Variants in WDR12 observed in about 807,000 individuals in gnomAD.
WDR12 encodes WD repeat domain 12.
A neutral mutation model predicts 64.3 loss-of-function variants in WDR12; 42 were observed. That is an observed-to-expected ratio of 0.65 (90% CI 0.51 to 0.84). WDR12 has a LOEUF of 0.84. Among genes scored for constraint, WDR12 ranks in the 40% least tolerant of loss-of-function variants. The pLI is 0.00. For synonymous variants in WDR12, 158 were observed against 173.3 expected (o/e 0.91, Z 0.70); for missense variants, 469 against 494.6 (o/e 0.95, Z 0.49).
intron 7 of WDR12, among the ~76,000 whole-genome samples, chr2:202,894,220 A>AT (rs146561964): frequency 0.33 from 48,532 of 148,452 alleles, 8,220 homozygotes; most frequent in East Asian, 0.58. Flanking sequence ...CACTAAACTG[A>AT]TTTTTTTTTT....
rs189783243 is a variant in WDR12 at position 202,884,358 on chromosome 2, A to C, written c.882+37T>G. The C allele has an allele frequency of 1.7e-4, 278 of 1,613,592 alleles. No individual in the cohort carries two copies. In the South Asian group the frequency reaches 2.0e-3, roughly 12 times the overall value. ...ATGGTAGACTAAAAACCATCTCTAG[A>C]AGTTTATCACTTAAAAGAACACTGA... On this transcript the variant is annotated intron_variant, in intron 9 of 12. Transcript: ENST00000261015.
At chr2:202,903,847 A>G (rs538188201) in intron 2 of WDR12, among the ~76,000 whole-genome samples, 16 of 152,218 alleles carry the variant, frequency 1.1e-4, no homozygotes, top group Non-Finnish European at 2.1e-4. Context: ...GATGAAAGAC[A>G]TTGAAGAGGG....
chr2:202,895,877 C>T (rs1688232931), intron 6 of WDR12, 188 bp downstream of exon 6: 1 of 611,468 alleles, frequency 1.6e-6, no homozygotes. Flanking sequence ...GGTTCTAAAC[C>T]AGGGATTCAA....
rs549431853 is a variant in WDR12, at chr2:202,896,785, G to C, written c.454+515C>G. On this transcript the variant is annotated intron_variant, in intron 5 of 12. Coordinates refer to ENST00000261015, the MANE Select transcript of WDR12 (RefSeq NM_018256.4). Reference sequence around the variant, plus strand: ...GGGTGGATCATGATGTCAGGAGTTCGAGATCAGCCTGGCCAAGATGGTGAA... The same window carrying C: ...GGGTGGATCATGATGTCAGGAGTTCCAGATCAGCCTGGCCAAGATGGTGAA... 1.5e-4 allele frequency among the ~76,000 whole-genome samples: 23 copies of C among 152,206 alleles called. 1 individual carries two copies. The South Asian group carries it at 4.6e-3, about 30-fold the overall frequency.
At chr2:202,891,864 A>C (rs903875302) in intron 8 of WDR12, among the ~76,000 whole-genome samples, 5 of 152,248 alleles carry the variant, frequency 3.3e-5, no homozygotes, top group African/African-American at 9.6e-5. Flanking sequence ...ATGAAAAGTC[A>C]AACTCATGGA....
chr2:202,880,044 C>T lies in WDR12; in HGVS notation c.*816G>A, dbSNP rs1687923213. The T allele has an allele frequency of 6.6e-6, 1 of 152,066 alleles. No individual in the cohort carries two copies. Among genetic ancestry groups the T allele is most frequent in the Non-Finnish European group, 1.5e-5 (1 of 68,016 alleles). 9.4% of individuals were successfully genotyped at this position (152,066 alleles called of 1,614,324 possible). On this transcript the variant is annotated 3_prime_UTR_variant, in exon 13 of 13. Coordinates refer to ENST00000261015, the MANE Select transcript of WDR12 (RefSeq NM_018256.4). ...GGTGTGAGCCACCATGCCCAGCCTACATTTTTTTTAATGTTCTGAGTACCC... is the reference window on the plus strand; with the variant it reads ...GGTGTGAGCCACCATGCCCAGCCTATATTTTTTTTAATGTTCTGAGTACCC...
Position 202,899,589 on chromosome 2 carries a change from G to A in WDR12, c.280C>T (p.Pro94Ser). 1 of 1,614,078 alleles carries A rather than the reference G, an allele frequency of 6.2e-7. No individual in the cohort carries two copies. Among genetic ancestry groups the A allele is most frequent in the Non-Finnish European group, 8.5e-7 (1 of 1,180,004 alleles). The stretch of plus-strand genomic sequence containing the variant: ...TCATCATGGAACATGCATTGCTCTG[G>A]CTGGGGTGCAGTATACTTCTCCACG... ...EYVEKYTAPQ[P>S]EQCMFHDDWI... The change falls in exon 4 of 13, where the codon CCA (proline) becomes TCA (serine). Residue 94 changes from proline to serine, a missense_variant. Pro to Ser is a moderately conservative substitution (Grantham distance 74). Transcript: ENST00000261015.
At chr2:202,882,894 C>T in intron 11 of WDR12, 111 bp from the exon 12 acceptor site, 1 of 904,904 alleles carries the variant, frequency 1.1e-6, no homozygotes, top group Non-Finnish European at 1.7e-6. Flanking sequence ...AACCTTGCCC[C>T]AATAACCACT....
In WDR12 at chr2:202,884,552, C is replaced by T. The variant is rs1688015280; in HGVS notation, c.742-17G>A. The T allele has an allele frequency of 2.5e-6, 4 of 1,597,426 alleles. No homozygotes were observed. The highest frequency in any genetic ancestry group is 3.4e-6 in the Non-Finnish European group (4 of 1,175,726). The stretch of plus-strand genomic sequence containing the variant: ...TATGGGAGTCTAGAAAGGAAGAACC[C>T]CAAAAGGGGAAAGTGTTTTCATTAC... On this transcript the variant is annotated splice_polypyrimidine_tract_variant and intron_variant, in intron 8 of 12. Coordinates refer to ENST00000261015, the MANE Select transcript of WDR12 (RefSeq NM_018256.4).
At chr2:202,906,109 C>G (rs1574411624) in intron 2 of WDR12, among the ~76,000 whole-genome samples, 1 of 152,082 alleles carries the variant, frequency 6.6e-6, no homozygotes, top group African/African-American at 2.4e-5. Context: ...CCTTATATGC[C>G]TGTATCAAAA....
chr2:202,882,694 A>G lies in WDR12; in HGVS notation c.1194+17T>C. The G allele has an allele frequency of 6.2e-7, 1 of 1,606,102 alleles. No homozygotes were observed. Among genetic ancestry groups the G allele is most frequent in the Non-Finnish European group, 8.5e-7 (1 of 1,173,378 alleles). On this transcript the variant is annotated intron_variant, in intron 12 of 12. Coordinates refer to ENST00000261015, the MANE Select transcript of WDR12 (RefSeq NM_018256.4). ...CTAGTCACTTTCCTCTTCATCAAAT[A>G]ACTAATAAATTCTTACCCCTGTGTC...
At position 202,875,730 on chromosome 2, in the gene WDR12, TCA is replaced by T. The variant is rs1186130527; in HGVS notation, c.*5128_*5129del. On this transcript the variant is annotated 3_prime_UTR_variant, in exon 13 of 13. Transcript: ENST00000261015. ...TAGGCAAGTGAAGACACTTCCACAC[TCA>T]TTCTTTCCATTTATAAAAACATCAT... The T allele has an allele frequency of 6.6e-6, 1 of 152,180 alleles. No homozygotes were observed. The highest frequency in any genetic ancestry group is 1.5e-5 in the Non-Finnish European group (1 of 68,034). The allele number at this position is 152,180 out of a possible 1,614,324, so 9.4% of individuals were successfully genotyped here.
At chr2:202,884,325 CA>C in intron 9 of WDR12, 22 bp from the exon 10 acceptor site, 1 of 1,613,186 alleles carries the variant, frequency 6.2e-7, no homozygotes, top group Non-Finnish European at 8.5e-7. Context: ...AAGGAAAGAA[CA>C]TTAACCATGG....
chr2:202,899,393 T>C (rs149678896), intron 4 of WDR12, 138 bp downstream of exon 4: 43 of 706,104 alleles, frequency 6.1e-5, no homozygotes, highest in Middle Eastern at 8.7e-4. Context: ...CTGTTTGCCA[T>C]GGCCACTGAT....
At chr2:202,885,967 G>A (rs911765246) in intron 8 of WDR12, among the ~76,000 whole-genome samples, 4 of 152,122 alleles carry the variant, frequency 2.6e-5, no homozygotes, top group African/African-American at 9.7e-5. Context: ...TGAAGTAGAA[G>A]GATCACTTGA....
At chr2:202,892,425 G>A (rs1253320157) in intron 8 of WDR12, among the ~76,000 whole-genome samples, 192 bp downstream of exon 8, 2 of 152,026 alleles carry the variant, frequency 1.3e-5, no homozygotes, top group African/African-American at 4.8e-5. Context: ...TACATTCAAA[G>A]ATACAAATAA....
chr2:202,896,563 C>T (rs1330508770), intron 5 of WDR12, among the ~76,000 whole-genome samples: 1 of 152,078 alleles, frequency 6.6e-6, no homozygotes, highest in South Asian at 2.1e-4. Flanking sequence ...TGGTGGCAGG[C>T]GCCTGTAATT....
chr2:202,906,672 T>A (rs1435543306), intron 2 of WDR12, among the ~76,000 whole-genome samples: 1 of 152,102 alleles, frequency 6.6e-6, no homozygotes, highest in Non-Finnish European at 1.5e-5. Context: ...GAGACCAGCC[T>A]CGCCAAATGG....
intron 8 of WDR12, among the ~76,000 whole-genome samples, chr2:202,891,239 T>C (rs912330392): frequency 5.9e-5 from 9 of 152,166 alleles, no homozygotes; most frequent in Admixed American, 2.0e-4. Context: ...TGGTGCAATC[T>C]TGGCTCACTG....
Sources: gnomAD v4.1 joint callset for allele counts (sites outside exome capture counted in the v4.1 genomes callset) on GRCh38, gnomAD v4.1.1 for gene constraint, MANE v1.5 for transcripts, NCBI Gene and HGNC (gene_info 2026-07-23, HGNC 2026-07-21) for gene names.